Variants in NMNAT3 observed in about 807,000 individuals in gnomAD.
NMNAT3 encodes nicotinamide nucleotide adenylyltransferase 3.
In NMNAT3, 21 loss-of-function variants were observed where a neutral mutation model predicts 24.8. That is an observed-to-expected ratio of 0.85 (90% CI 0.60 to 1.22). The LOEUF is 1.22. NMNAT3 is among the 50% of genes most tolerant of loss of function. NMNAT3 has a pLI of 0.00. For missense variants in NMNAT3, 387 were observed against 436.6 expected, an observed-to-expected ratio of 0.89 and a Z score of 1.01; for synonymous variants, 136 against 155.2, an observed-to-expected ratio of 0.88 and a Z score of 0.92.
intron 3 of NMNAT3, among the ~76,000 whole-genome samples, chr3:139,621,621 C>G (rs566639479): frequency 1.3e-5 from 2 of 152,252 alleles, no homozygotes; most frequent in Non-Finnish European, 2.9e-5. Context: ...ATCCACCCAC[C>G]TTGGCCTCCC....
intron 3 of NMNAT3, among the ~76,000 whole-genome samples, chr3:139,599,963 G>A (rs1005769292): frequency 1.3e-5 from 2 of 152,124 alleles, no homozygotes; most frequent in Non-Finnish European, 2.9e-5. Flanking sequence ...CAGCACAGTC[G>A]GCCAGCTGGG....
At chr3:139,592,449 A>G (rs2054241578) in intron 3 of NMNAT3, among the ~76,000 whole-genome samples, 1 of 152,184 alleles carries the variant, frequency 6.6e-6, no homozygotes, top group Non-Finnish European at 1.5e-5. Context: ...CCAACATTCA[A>G]ATTCAGGAAA....
chr3:139,673,692 C>T (rs2057831107), intron 1 of NMNAT3, among the ~76,000 whole-genome samples: 1 of 151,942 alleles, frequency 6.6e-6, no homozygotes, highest in Admixed American at 6.6e-5. Flanking sequence ...ATGATGTGTG[C>T]AGACTCCATG....
chr3:139,671,809 C>CA (rs2057765762), intron 1 of NMNAT3, among the ~76,000 whole-genome samples: 1 of 152,184 alleles, frequency 6.6e-6, no homozygotes, highest in African/African-American at 2.4e-5. Context: ...AAGTTAGACT[C>CA]CTACACACTA....
intron 3 of NMNAT3, among the ~76,000 whole-genome samples, chr3:139,591,417 T>C (rs1481299124): frequency 6.6e-6 from 1 of 151,880 alleles, no homozygotes; most frequent in Non-Finnish European, 1.5e-5. Context: ...TGCCCAGGCT[T>C]GCTTAGGTAA....
chr3:139,609,977 C>CA (rs2055131989), intron 3 of NMNAT3: 2 of 151,806 alleles, frequency 1.3e-5, no homozygotes, highest in Non-Finnish European at 2.9e-5. Flanking sequence ...ACTAAATAAG[C>CA]AAAAAATAAA....
chr3:139,665,594 A>T (rs1388017763), intron 1 of NMNAT3, among the ~76,000 whole-genome samples: 2 of 152,144 alleles, frequency 1.3e-5, no homozygotes, highest in African/African-American at 4.8e-5. Flanking sequence ...CCCATGAAAG[A>T]TGGCATATGT....
chr3:139,646,341 TTC>T (rs1390219003), intron 1 of NMNAT3, among the ~76,000 whole-genome samples: 1 of 152,226 alleles, frequency 6.6e-6, no homozygotes, highest in South Asian at 2.1e-4. Context: ...TTTATTTTAC[TTC>T]TTTCAATTGA....
intron 4 of NMNAT3, 81 bp from the exon 5 acceptor site, chr3:139,579,136 T>C: frequency 8.7e-7 from 1 of 1,153,690 alleles, no homozygotes; most frequent in Non-Finnish European, 1.3e-6. Flanking sequence ...AGGTGCTAAA[T>C]GTCTCCAGTG....
At chr3:139,591,917 C>T (rs1217462698) in intron 3 of NMNAT3, among the ~76,000 whole-genome samples, 1 of 152,194 alleles carries the variant, frequency 6.6e-6, no homozygotes, top group Admixed American at 6.5e-5. Flanking sequence ...AGCGCCTCTC[C>T]TCCTCCAAAG....
chr3:139,594,966 A>G lies in NMNAT3; in HGVS notation c.110-11758T>C, dbSNP rs549614129. Among the ~76,000 whole-genome samples the G allele has an allele frequency of 4.4e-3, 666 of 152,264 alleles. 2 individuals carry two copies. Among genetic ancestry groups the G allele is most frequent in the Non-Finnish European group, 7.3e-3 (499 of 68,000 alleles). ...AGTGTTGGAAGTTCTGGCCAGGGCAATTAGGCAGGAGAAGGAAATAAAGGG... is the reference window on the plus strand; with the variant it reads ...AGTGTTGGAAGTTCTGGCCAGGGCAGTTAGGCAGGAGAAGGAAATAAAGGG... On this transcript the variant is annotated intron_variant, in intron 3 of 6. Transcript: ENST00000643695.
intron 3 of NMNAT3, among the ~76,000 whole-genome samples, chr3:139,608,934 TA>T (rs1354917531): frequency 6.6e-6 from 1 of 152,256 alleles, no homozygotes; most frequent in African/African-American, 2.4e-5. Flanking sequence ...TAACCACTGA[TA>T]TGTTCCTTAC....
chr3:139,634,532 G>A (rs1223830047), intron 2 of NMNAT3, 79 bp downstream of exon 3: 1 of 152,134 alleles, frequency 6.6e-6, no homozygotes, highest in Admixed American at 6.6e-5. Flanking sequence ...CAACCTTCAT[G>A]CGATCTCCAG....
chr3:139,645,216 G>T (rs2056832094), intron 1 of NMNAT3, among the ~76,000 whole-genome samples: 1 of 152,006 alleles, frequency 6.6e-6, no homozygotes. Context: ...AAGAAAAAAA[G>T]AAAAATACAG....
intron 5 of NMNAT3, among the ~76,000 whole-genome samples, chr3:139,577,489 G>A (rs1467298465): frequency 6.6e-6 from 1 of 152,196 alleles, no homozygotes; most frequent in African/African-American, 2.4e-5. Context: ...TCTAAAACCT[G>A]TGTCCTAGGC....
chr3:139,596,916 G>GTGTGTGTA (rs1393197797), intron 3 of NMNAT3, among the ~76,000 whole-genome samples: 1 of 97,162 alleles, frequency 1.0e-5, no homozygotes, highest in Non-Finnish European at 2.1e-5. Context: ...TGTCATGTGT[G>GTGTGTGTA]TATATATATA....
At chr3:139,565,140 A>G (rs1936983155) in intron 6 of NMNAT3, among the ~76,000 whole-genome samples, 1 of 152,132 alleles carries the variant, frequency 6.6e-6, no homozygotes, top group Non-Finnish European at 1.5e-5. Context: ...AGTATAATTT[A>G]GGTATACTTT....
chr3:139,592,575 T>A, intron 3 of NMNAT3, among the ~76,000 whole-genome samples: 2 of 152,120 alleles, frequency 1.3e-5, no homozygotes, highest in African/African-American at 4.8e-5. Flanking sequence ...GAGAGAAAGG[T>A]TGGGTTACCC....
chr3:139,617,499 C>T (rs936945885), intron 3 of NMNAT3, among the ~76,000 whole-genome samples: 1 of 152,144 alleles, frequency 6.6e-6, no homozygotes, highest in African/African-American at 2.4e-5. Context: ...GCAGTACCCA[C>T]CTGGTAGGGC....
Sources: allele counts gnomAD v4.1 joint callset (sites outside exome capture counted in the v4.1 genomes callset), GRCh38; gene constraint gnomAD v4.1.1; transcripts MANE v1.5; gene names NCBI Gene and HGNC (gene_info 2026-07-23, HGNC 2026-07-21).